Variants in ATIC observed in about 807,000 individuals in gnomAD.
ATIC encodes the protein 5-aminoimidazole-4-carboxamide ribonucleotide formyltransferase/IMP cyclohydrolase.
Under a neutral mutation model 72.5 loss-of-function variants are expected in ATIC, and 64 were observed. The observed-to-expected ratio is 0.88, with a 90% confidence interval of 0.72 to 1.09. The LOEUF is 1.09. ATIC is among the 50% of genes least tolerant of loss of function. The pLI is 0.00. For synonymous variants in ATIC, 281 were observed against 267.1 expected, an observed-to-expected ratio of 1.05 and a Z score of -0.51; for missense variants, 787 against 732.4, an observed-to-expected ratio of 1.07 and a Z score of -0.86.
chr2:215,349,617 A>T lies in ATIC; in HGVS notation c.1741A>T (p.Ile581Phe). 1 of 1,614,166 alleles carries T rather than the reference A, an allele frequency of 6.2e-7. No homozygotes were observed. Among genetic ancestry groups the T allele is most frequent in the Non-Finnish European group, 8.5e-7 (1 of 1,180,030 alleles). Reference sequence around the variant, plus strand: ...TGAGGCCTGCGACGAACTGGGAATCATCCTCGCTCATACGAACCTTCGGCT... The same window carrying T: ...TGAGGCCTGCGACGAACTGGGAATCTTCCTCGCTCATACGAACCTTCGGCT... ...VIEACDELGIILAHTNLRLFH... is the reference protein window; with the variant it reads ...VIEACDELGIFLAHTNLRLFH... Residue 581 changes from isoleucine (I) to phenylalanine (F), a missense_variant, in exon 16 of 16, where the codon ATC becomes TTC. Coordinates refer to ENST00000236959, the MANE Select transcript of ATIC (RefSeq NM_004044.7).
chr2:215,316,159 C>T (rs531937583), intron 2 of ATIC, among the ~76,000 whole-genome samples: 1 of 152,164 alleles, frequency 6.6e-6, no homozygotes, highest in Non-Finnish European at 1.5e-5. Flanking sequence ...TTCTTCAGTT[C>T]AAAGGAGTAG....
the ATIC span, chr2:215,361,707 A>C: frequency 8.9e-7 from 1 of 1,128,390 alleles, no homozygotes; most frequent in African/African-American, 1.5e-5. Context: ...GGAGGTGGGG[A>C]CTCATGACAG....
Position 215,325,293 on chromosome 2 carries a change from G to A in ATIC, c.343G>A (p.Val115Ile), listed in dbSNP as rs758534337. Residue 115 changes from valine to isoleucine, a missense_variant, in exon 5 of 16, where the codon GTA (valine) becomes ATA (isoleucine). Transcript: ENST00000236959. ...TGTAAAGACAGTGGCTTCTCCAGGT[G>A]TAACTGTTGAGGAGGCTGTGGAGCA... ...PFVKTVASPGVTVEEAVEQID... is the reference protein window; with the variant it reads ...PFVKTVASPGITVEEAVEQID... 1.9e-6 allele frequency: 3 copies of A among 1,613,914 alleles called. No individual in the cohort carries two copies. The highest frequency in any genetic ancestry group is 2.5e-6 in the Non-Finnish European group (3 of 1,179,848).
intron 4 of ATIC, among the ~76,000 whole-genome samples, chr2:215,323,378 C>T (rs1255946284): frequency 6.6e-6 from 1 of 152,174 alleles, no homozygotes; most frequent in Non-Finnish European, 1.5e-5. Context: ...TGTGTTGAAT[C>T]TGTAGATCAA....
At chr2:215,319,821 A>G (rs1575114019) in intron 4 of ATIC, 90 bp downstream of exon 4, 6 of 1,093,458 alleles carry the variant, frequency 5.5e-6, no homozygotes, top group East Asian at 2.4e-5. Flanking sequence ...CTTACTCACT[A>G]TAAACCTTTA....
chr2:215,356,619 G>A, the ATIC span, among the ~76,000 whole-genome samples: 1 of 151,850 alleles, frequency 6.6e-6, no homozygotes, highest in South Asian at 2.1e-4. Context: ...TTTCCCCTTC[G>A]CCCCAGCCCC....
At chr2:215,326,162 G>T (rs994373757) in intron 6 of ATIC, 24 bp downstream of exon 6, 5 of 1,613,284 alleles carry the variant, frequency 3.1e-6, no homozygotes, top group Admixed American at 1.7e-5. Context: ...TCATGATATT[G>T]TAAGTTACAT....
the ATIC span, among the ~76,000 whole-genome samples, chr2:215,368,187 T>C: frequency 6.6e-6 from 1 of 152,212 alleles, no homozygotes; most frequent in East Asian, 1.9e-4. Context: ...TTAACTGCTC[T>C]AAAAAACCAT....
At chr2:215,358,067 G>A in the ATIC span, among the ~76,000 whole-genome samples, 1 of 152,120 alleles carries the variant, frequency 6.6e-6, no homozygotes, top group Non-Finnish European at 1.5e-5. Flanking sequence ...AAATAGAAAA[G>A]TCATTTCCTG....
chr2:215,358,997 C>G, the ATIC span, among the ~76,000 whole-genome samples: 1 of 152,230 alleles, frequency 6.6e-6, no homozygotes, highest in Non-Finnish European at 1.5e-5. Flanking sequence ...ATTCTCCTGT[C>G]TCAGTCTCCC....
chr2:215,336,208 C>A, intron 11 of ATIC, 84 bp downstream of exon 11: 2 of 1,031,526 alleles, frequency 1.9e-6, no homozygotes, highest in Non-Finnish European at 3.1e-6. Context: ...CCTTTATACT[C>A]ATACCCTTCT....
chr2:215,337,101 A>G (rs1260132011), intron 11 of ATIC, among the ~76,000 whole-genome samples: 1 of 126,516 alleles, frequency 7.9e-6, no homozygotes, highest in African/African-American at 3.0e-5. Flanking sequence ...TTTTTTTTTA[A>G]CTGATTTTTA....
downstream of ATIC, among the ~76,000 whole-genome samples, chr2:215,353,526 C>G (rs2053145923): frequency 6.6e-6 from 1 of 152,130 alleles, no homozygotes; most frequent in Admixed American, 6.6e-5. Context: ...GATGAAGCTT[C>G]TGAGATCTTA....
intron 7 of ATIC, 133 bp from the exon 8 acceptor site, chr2:215,332,249 G>T: frequency 1.0e-5 from 13 of 1,241,508 alleles, no homozygotes; most frequent in East Asian, 2.6e-5. Context: ...AAGATTTTAT[G>T]TTTGTGTGTA....
At chr2:215,364,749 G>T in the ATIC span, 1 of 707,694 alleles carries the variant, frequency 1.4e-6, no homozygotes, top group Non-Finnish European at 2.5e-6. Flanking sequence ...GCAGTTGTAT[G>T]CCAACAGGAA....
chr2:215,334,946 AT>A lies in ATIC; in HGVS notation c.954del (p.Phe318LeufsTer24). 6.2e-7 allele frequency: 1 copy of A among 1,613,644 alleles called. No homozygotes were observed. Among genetic ancestry groups the A allele is most frequent in the Non-Finnish European group, 8.5e-7 (1 of 1,179,760 alleles). On this transcript the variant is annotated frameshift_variant, in exon 10 of 16. Transcript: ENST00000236959. LOFTEE classifies it high-confidence loss of function. ...RGADRMSSFG[D>X]FVALSDVCDV... ...GCTGATAGGATGTCTTCATTTGGTG[AT>A]TTTGTTGCATTGTCCGATGTTTGTG...
the ATIC span, among the ~76,000 whole-genome samples, chr2:215,358,726 A>G: frequency 6.6e-6 from 1 of 152,222 alleles, no homozygotes; most frequent in Non-Finnish European, 1.5e-5. Context: ...AATTTAATGT[A>G]TCACTTTGGA....
Position 215,332,385 on chromosome 2 carries a change from T to A in ATIC, c.692T>A (p.Leu231Gln), listed in dbSNP as rs374163623. The A allele has an allele frequency of 2.5e-6, 4 of 1,614,126 alleles. No homozygotes were observed. The highest frequency in any genetic ancestry group is 1.7e-6 in the Non-Finnish European group (2 of 1,180,022). The change falls in exon 8 of 16, where the codon CTA becomes CAA. Residue 231 changes from leucine (L) to glutamine (Q), a missense_variant. Physicochemically the swap from Leu to Gln is moderately radical, Grantham distance 113. Transcript: ENST00000236959. ...TLQPKLPITV[L>Q]NGAPGFINLC... ...GCATGTATATTTTTACATTTAGTTC[T>A]AAATGGAGCCCCTGGATTTATAAAC...
At chr2:215,329,041 A>G (rs1213592829) in intron 7 of ATIC, among the ~76,000 whole-genome samples, 1 of 152,192 alleles carries the variant, frequency 6.6e-6, no homozygotes, top group Non-Finnish European at 1.5e-5. Flanking sequence ...TGAGAGCAGA[A>G]GCTGCATCTG....
Sources: allele counts gnomAD v4.1 joint callset (sites outside exome capture counted in the v4.1 genomes callset), GRCh38; gene constraint gnomAD v4.1.1; transcripts MANE v1.5; gene names NCBI Gene and HGNC (gene_info 2026-07-23, HGNC 2026-07-21).